The following GRXCR2 variants were observed in gnomAD, a reference collection of about 807,000 sequenced individuals.
GRXCR2 encodes the protein glutaredoxin and cysteine rich domain containing 2.
GRXCR2 carries 23 observed loss-of-function variants against 24.8 expected under a neutral mutation model. That is an observed-to-expected ratio of 0.93 (90% CI 0.67 to 1.32). GRXCR2 has a LOEUF of 1.32. GRXCR2 is among the 40% of genes most tolerant of loss of function. The pLI, the probability that GRXCR2 is intolerant of heterozygous loss-of-function variation, is 0.00. For missense variants in GRXCR2, 315 were observed against 303.4 expected, an observed-to-expected ratio of 1.04 and a Z score of -0.28; for synonymous variants, 130 against 116.1, an observed-to-expected ratio of 1.12 and a Z score of -0.77.
Position 145,883,266 on chromosome 5 carries a change from A to T in GRXCR2, c.-69-16538T>A, listed in dbSNP as rs1454733144. ...GTGGTTCTATTTAAAAGGGAGATTAAGGGTGATTTTTATGCTTTCTCACAT... is the reference window on the plus strand; with the variant it reads ...GTGGTTCTATTTAAAAGGGAGATTATGGGTGATTTTTATGCTTTCTCACAT... On this transcript the variant is annotated intron_variant, in intron 2 of 3. Coordinates refer to the GRXCR2 transcript ENST00000639411. Among the ~76,000 whole-genome samples, 3 of 152,298 alleles carry T rather than the reference A, an allele frequency of 2.0e-5. No individual in the cohort carries two copies. In the East Asian group the frequency reaches 5.8e-4, roughly 29 times the overall value.
At chr5:145,893,610 C>T (rs1185970433) in intron 2 of GRXCR2, among the ~76,000 whole-genome samples, 2 of 152,204 alleles carry the variant, frequency 1.3e-5, no homozygotes, top group Non-Finnish European at 2.9e-5. Flanking sequence ...GCACCCAATA[C>T]AGGAGCACCC....
intron 2 of GRXCR2, among the ~76,000 whole-genome samples, chr5:145,930,257 G>C (rs527498862): frequency 6.6e-6 from 1 of 152,104 alleles, no homozygotes; most frequent in East Asian, 1.9e-4. Flanking sequence ...GCTAATCTTT[G>C]TATTTTTAGT....
chr5:145,880,827 C>T (rs990824842), intron 2 of GRXCR2, among the ~76,000 whole-genome samples: 6 of 152,186 alleles, frequency 3.9e-5, no homozygotes, highest in Admixed American at 2.6e-4. Context: ...AAATCTTATC[C>T]ACCATGATCA....
chr5:145,874,262 G>A (rs1756579183), upstream of GRXCR2, among the ~76,000 whole-genome samples: 2 of 150,754 alleles, frequency 1.3e-5, no homozygotes, highest in Admixed American at 1.3e-4. Flanking sequence ...GGAGTGCAGT[G>A]GTACGATCTC....
chr5:145,921,855 G>C (rs1038033434), intron 2 of GRXCR2, among the ~76,000 whole-genome samples: 4 of 152,098 alleles, frequency 2.6e-5, no homozygotes, highest in African/African-American at 7.2e-5. Flanking sequence ...AAGTTTCCCA[G>C]CCATCATTTT....
At chr5:145,922,247 G>A (rs1757331682) in intron 2 of GRXCR2, among the ~76,000 whole-genome samples, 1 of 152,172 alleles carries the variant, frequency 6.6e-6, no homozygotes. Context: ...CCCACCCTTT[G>A]TGTCTCTGTA....
At chr5:145,927,593 T>C (rs1459848600) in intron 2 of GRXCR2, among the ~76,000 whole-genome samples, 1 of 152,196 alleles carries the variant, frequency 6.6e-6, no homozygotes, top group Admixed American at 6.5e-5. Flanking sequence ...TTGATCATGG[T>C]AGATAAGCTT....
chr5:145,889,172 A>AAAAGAAAGAAAG (rs557521873), intron 2 of GRXCR2, among the ~76,000 whole-genome samples: 3,415 of 83,906 alleles, frequency 0.041, 191 homozygotes, highest in East Asian at 0.064. Flanking sequence ...CTGTCTCAAA[A>AAAAGAAAGAAAG]AAAGAAAGAA....
chr5:145,920,683 C>T (rs1388592255), intron 2 of GRXCR2, among the ~76,000 whole-genome samples: 1 of 152,216 alleles, frequency 6.6e-6, no homozygotes, highest in African/African-American at 2.4e-5. Flanking sequence ...AAGGTAGCTT[C>T]AGTTCCAGGT....
chr5:145,890,043 T>C (rs1353653107), intron 2 of GRXCR2, among the ~76,000 whole-genome samples: 1 of 152,338 alleles, frequency 6.6e-6, no homozygotes, highest in Non-Finnish European at 1.5e-5. Context: ...GACCAGACTT[T>C]TGAACTAAAC....
At chr5:145,871,218 G>T (rs1044274749) in intron 1 of GRXCR2, among the ~76,000 whole-genome samples, 2 of 152,068 alleles carry the variant, frequency 1.3e-5, no homozygotes, top group African/African-American at 2.4e-5. Context: ...CTACAAATAA[G>T]ACATAGTTAA....
Position 145,928,159 on chromosome 5 carries a change from T to C in GRXCR2, c.-70+7542A>G, listed in dbSNP as rs1581359270. On this transcript the variant is annotated intron_variant, in intron 2 of 3. Coordinates refer to the GRXCR2 transcript ENST00000639411. Reference sequence around the variant, plus strand: ...CAACAGACACATGAAAAAATGCTCATCATCACTGGCCATCAGAGAAATGCA... The same window carrying C: ...CAACAGACACATGAAAAAATGCTCACCATCACTGGCCATCAGAGAAATGCA... Among the ~76,000 whole-genome samples the C allele has an allele frequency of 2.6e-5, 4 of 151,860 alleles. No homozygotes were observed. In the South Asian group the frequency reaches 6.3e-4, roughly 24 times the overall value.
chr5:145,863,633 G>A (rs766742884), intron 2 of GRXCR2, among the ~76,000 whole-genome samples: 15 of 152,050 alleles, frequency 9.9e-5, no homozygotes, highest in East Asian at 5.8e-4. Flanking sequence ...CAACATGTTC[G>A]GTCATCTGCC....
intron 2 of GRXCR2, among the ~76,000 whole-genome samples, chr5:145,929,629 AT>A (rs984264947): frequency 2.4e-4 from 36 of 152,270 alleles, no homozygotes; most frequent in Admixed American, 5.2e-4. Flanking sequence ...AATTACTTGG[AT>A]TTTACCAGCA....
chr5:145,894,259 C>T (rs566940662), intron 2 of GRXCR2, among the ~76,000 whole-genome samples: 2 of 152,182 alleles, frequency 1.3e-5, no homozygotes, highest in South Asian at 4.2e-4. Context: ...CAAAAGCTAG[C>T]AGAAGGCAAG....
At chr5:145,913,750 T>C (rs1757197137) in intron 2 of GRXCR2, among the ~76,000 whole-genome samples, 1 of 152,156 alleles carries the variant, frequency 6.6e-6, no homozygotes, top group African/African-American at 2.4e-5. Flanking sequence ...TTGGAACTCC[T>C]GGGCTCAAGT....
At chr5:145,902,252 C>A (rs1050914591) in intron 2 of GRXCR2, among the ~76,000 whole-genome samples, 1 of 152,086 alleles carries the variant, frequency 6.6e-6, no homozygotes, top group African/African-American at 2.4e-5. Flanking sequence ...TGCCACCATA[C>A]CTGTCTAATT....
chr5:145,893,733 A>C (rs1184746852), intron 2 of GRXCR2, among the ~76,000 whole-genome samples: 1 of 152,124 alleles, frequency 6.6e-6, no homozygotes, highest in Non-Finnish European at 1.5e-5. Flanking sequence ...ACAAGACATA[A>C]ATTTAACAAG....
At chr5:145,876,175 T>TTG, upstream of GRXCR2, among the ~76,000 whole-genome samples, 1 of 106,202 alleles carries the variant, frequency 9.4e-6, no homozygotes, top group South Asian at 4.0e-4. Flanking sequence ...TCTTAAAAAA[T>TTG]TGTATGTGTG....
Sources: allele counts gnomAD v4.1 joint callset (sites outside exome capture counted in the v4.1 genomes callset), GRCh38; gene constraint gnomAD v4.1.1; transcripts MANE v1.5; gene names NCBI Gene and HGNC (gene_info 2026-07-23, HGNC 2026-07-21).